The following TMEM108 variants were observed in gnomAD, a reference collection of about 807,000 sequenced individuals.
TMEM108 encodes transmembrane protein 108.
Under a neutral mutation model 35.1 loss-of-function variants are expected in TMEM108, and 12 were observed. The observed-to-expected ratio is 0.34, with a 90% CI of 0.22 to 0.55. TMEM108 has a LOEUF of 0.55. Among genes scored for constraint, TMEM108 ranks in the 20% least tolerant of loss-of-function variants. TMEM108 has a pLI of 0.89. For missense variants in TMEM108, 680 were observed against 753.3 expected (o/e 0.90, Z 1.14); for synonymous variants, 287 against 308.6 (o/e 0.93, Z 0.73).
intron 1 of TMEM108, among the ~76,000 whole-genome samples, chr3:133,040,188 T>G (rs1441893534): frequency 7.0e-6 from 1 of 143,218 alleles, no homozygotes; most frequent in Non-Finnish European, 1.5e-5. Flanking sequence ...TATCACAGTT[T>G]TTTTTGTTTG....
At chr3:133,339,832 C>T (rs1279837930) in intron 3 of TMEM108, among the ~76,000 whole-genome samples, 1 of 151,678 alleles carries the variant, frequency 6.6e-6, no homozygotes, top group Non-Finnish European at 1.5e-5. Flanking sequence ...TAGAAATAAA[C>T]ATTATGCCTC....
intron 2 of TMEM108, among the ~76,000 whole-genome samples, chr3:133,056,195 A>G (rs1576294848): frequency 6.8e-6 from 1 of 146,782 alleles, no homozygotes; most frequent in African/African-American, 2.6e-5. Flanking sequence ...ATAAAGACAC[A>G]GGCTGATTCC....
At position 133,179,790 on chromosome 3, in the gene TMEM108, A is replaced by G. The variant is rs1233289710; in HGVS notation, c.-46-49476A>G. 2.6e-5 allele frequency among the ~76,000 whole-genome samples: 4 copies of G among 151,996 alleles called. No homozygotes were observed. In the East Asian group the frequency reaches 7.7e-4, roughly 29 times the overall value. ...CCTGCATGTTGTGCACATGTACCGT[A>G]AAACTTAAAGTATAATAAAAAAATA... On this transcript the variant is annotated intron_variant, in intron 2 of 5. Coordinates refer to ENST00000321871, the MANE Select transcript of TMEM108 (RefSeq NM_023943.4).
At chr3:133,048,767 C>T (rs1208543166) in intron 2 of TMEM108, among the ~76,000 whole-genome samples, 1 of 152,164 alleles carries the variant, frequency 6.6e-6, no homozygotes, top group Non-Finnish European at 1.5e-5. Flanking sequence ...TTAAGCAAAA[C>T]TTATAAGAAT....
At chr3:133,100,727 A>G (rs1190470574) in intron 2 of TMEM108, among the ~76,000 whole-genome samples, 1 of 152,252 alleles carries the variant, frequency 6.6e-6, no homozygotes, top group Non-Finnish European at 1.5e-5. Context: ...CATCCATTCC[A>G]TGAAGTCTGA....
At chr3:133,310,220 A>G (rs1298965741) in intron 3 of TMEM108, among the ~76,000 whole-genome samples, 3 of 152,136 alleles carry the variant, frequency 2.0e-5, no homozygotes, top group African/African-American at 4.8e-5. Flanking sequence ...TATTAGGTCC[A>G]CTTGGTCCAG....
intron 4 of TMEM108, chr3:133,386,406 C>G (rs947166995): frequency 6.5e-7 from 1 of 1,536,126 alleles, no homozygotes; most frequent in African/African-American, 1.4e-5. Context: ...GGTTTCATTT[C>G]CATTTCTCAT....
rs139112361 is a variant in TMEM108 at position 133,296,231 on chromosome 3, G to A, written c.40+66880G>A. Among the ~76,000 whole-genome samples the A allele has an allele frequency of 2.5e-3, 386 of 152,248 alleles. 1 individual carries two copies. The highest frequency in any genetic ancestry group is 8.8e-3 in the African/African-American group (366 of 41,554). ...ATATCAAAGGCAGGCAAAAAACAAA[G>A]CAGAAGTAATAGAAGAATCGTTAAA... On this transcript the variant is annotated intron_variant, in intron 3 of 5. Transcript: ENST00000321871.
At chr3:133,363,981 G>T (rs1357031780) in intron 3 of TMEM108, among the ~76,000 whole-genome samples, 1 of 152,120 alleles carries the variant, frequency 6.6e-6, no homozygotes, top group Non-Finnish European at 1.5e-5. Flanking sequence ...GCCAAATGTG[G>T]CTAGTGTCTA....
At chr3:133,175,583 G>T (rs1404820191) in intron 2 of TMEM108, among the ~76,000 whole-genome samples, 2 of 152,156 alleles carry the variant, frequency 1.3e-5, no homozygotes, top group Non-Finnish European at 2.9e-5. Flanking sequence ...AGCTTCATAA[G>T]TGAAGGAGAA....
intron 2 of TMEM108, among the ~76,000 whole-genome samples, chr3:133,061,359 C>T (rs1291558510): frequency 3.9e-5 from 6 of 152,092 alleles, no homozygotes; most frequent in Middle Eastern, 6.8e-3. Flanking sequence ...TACAGGCGCC[C>T]GCCACCACAC....
intron 3 of TMEM108, among the ~76,000 whole-genome samples, chr3:133,297,817 C>A (rs1239277350): frequency 2.0e-5 from 3 of 152,180 alleles, no homozygotes; most frequent in African/African-American, 7.2e-5. Flanking sequence ...AGCACCCCTC[C>A]AGGCGAAAGC....
At chr3:133,211,539 C>T (rs1054438221) in intron 2 of TMEM108, among the ~76,000 whole-genome samples, 1 of 152,142 alleles carries the variant, frequency 6.6e-6, no homozygotes, top group Non-Finnish European at 1.5e-5. Context: ...AACACCAAAA[C>T]CATAAAAAGG....
At chr3:133,292,847 A>T (rs780607055) in intron 3 of TMEM108, among the ~76,000 whole-genome samples, 2 of 152,138 alleles carry the variant, frequency 1.3e-5, no homozygotes, top group Non-Finnish European at 2.9e-5. Flanking sequence ...TTCCAGTTCT[A>T]TTTCATATGC....
intron 4 of TMEM108, 120 bp from the exon 5 acceptor site, chr3:133,390,060 T>TG: frequency 8.2e-7 from 1 of 1,221,904 alleles, no homozygotes; most frequent in Middle Eastern, 2.5e-4. Context: ...CACCATGCCC[T>TG]GCCCCTTTTC....
At chr3:133,317,293 C>T (rs2071211894) in intron 3 of TMEM108, among the ~76,000 whole-genome samples, 1 of 152,156 alleles carries the variant, frequency 6.6e-6, no homozygotes, top group Admixed American at 6.5e-5. Context: ...ATACTATTCT[C>T]TTGATACAAG....
At position 133,314,314 on chromosome 3, in the gene TMEM108, A is replaced by C. The variant is rs1383586230; in HGVS notation, c.41-65438A>C. On this transcript the variant is annotated intron_variant, in intron 3 of 5. Transcript: ENST00000321871. Reference sequence around the variant, plus strand: ...CTCATCAGTATCTCTCATCCAGTTAATAGGAGAGGATGGCAGCTTTGTTAT... The same window carrying C: ...CTCATCAGTATCTCTCATCCAGTTACTAGGAGAGGATGGCAGCTTTGTTAT... Among the ~76,000 whole-genome samples the C allele has an allele frequency of 6.6e-5, 10 of 152,324 alleles. No homozygotes were observed. The East Asian group carries it at 1.9e-3, about 29-fold the overall frequency.
At chr3:133,185,918 C>T (rs556400997) in intron 2 of TMEM108, among the ~76,000 whole-genome samples, 1 of 152,086 alleles carries the variant, frequency 6.6e-6, no homozygotes, top group Admixed American at 6.6e-5. Context: ...CAGGCACATG[C>T]CACCACGCCT....
At chr3:133,190,977 G>A (rs1270134465) in intron 2 of TMEM108, among the ~76,000 whole-genome samples, 1 of 151,742 alleles carries the variant, frequency 6.6e-6, no homozygotes, top group African/African-American at 2.4e-5. Flanking sequence ...AGTTATTGAA[G>A]AGCTGGTATT....
Sources: gnomAD v4.1 joint callset for allele counts (sites outside exome capture counted in the v4.1 genomes callset) on GRCh38, gnomAD v4.1.1 for gene constraint, MANE v1.5 for transcripts, NCBI Gene and HGNC (gene_info 2026-07-23, HGNC 2026-07-21) for gene names.